Variants in PPL observed in about 807,000 individuals in gnomAD.
The protein encoded by PPL is periplakin.
A neutral mutation model predicts 194.4 loss-of-function variants in PPL; 198 were observed. The ratio of observed to expected loss-of-function variants is 1.02; its 90% CI spans 0.91 to 1.15. The LOEUF (loss-of-function observed/expected upper bound fraction) is 1.15. PPL is among the 50% of genes most tolerant of loss of function. The pLI is 0.00. For missense variants in PPL, 2,885 were observed against 2,294.8 expected, an observed-to-expected ratio of 1.26 and a Z score of -5.25; for synonymous variants, 1,220 against 972.4, an observed-to-expected ratio of 1.25 and a Z score of -4.74.
intron 2 of PPL, 136 bp downstream of exon 2, chr16:4,910,714 A>T: frequency 1.3e-6 from 1 of 780,040 alleles, no homozygotes; most frequent in Non-Finnish European, 2.2e-6. Context: ...AGCAGTGACA[A>T]CCAAAATGTC....
At chr16:4,907,226 C>T (rs1308018482) in intron 2 of PPL, among the ~76,000 whole-genome samples, 1 of 151,816 alleles carries the variant, frequency 6.6e-6, no homozygotes, top group Non-Finnish European at 1.5e-5. Flanking sequence ...TGCGCCACTG[C>T]ACTCCAGCCT....
chr16:4,907,254 C>T (rs1375924898), intron 2 of PPL, among the ~76,000 whole-genome samples: 1 of 148,836 alleles, frequency 6.7e-6, no homozygotes, highest in Non-Finnish European at 1.5e-5. Context: ...AGAGCAAGAC[C>T]CTGTCTCAAT....
At chr16:4,925,214 C>G (rs2089134574) in intron 1 of PPL, among the ~76,000 whole-genome samples, 1 of 152,252 alleles carries the variant, frequency 6.6e-6, no homozygotes, top group South Asian at 2.1e-4. Flanking sequence ...CACGGTCATC[C>G]TCTTCTGGCG....
Position 4,893,228 on chromosome 16 carries a change from C to T in PPL, c.1635G>A (p.Arg545=), listed in dbSNP as rs1596549420. The T allele has an allele frequency of 6.4e-7, 1 of 1,573,790 alleles. No homozygotes were observed. Among genetic ancestry groups the T allele is most frequent in the Non-Finnish European group, 8.6e-7 (1 of 1,163,804 alleles). The change falls in exon 14 of 22, where the codon CGG becomes CGA. Residue 545 remains arginine, a synonymous_variant. Transcript: ENST00000345988. ...QGRAVQDSAE[R]AKDLKNITNE... ...CCGCAGGTACCTTGAGGTCCTTGGC[C>T]CGCTCGGCACTGTCCTGCACAGCCC...
chr16:4,892,191 C>T lies in PPL; in HGVS notation c.1673G>A (p.Arg558Gln), dbSNP rs753868819. 2.2e-5 allele frequency: 36 copies of T among 1,612,752 alleles called. No homozygotes were observed. The highest frequency in any genetic ancestry group is 1.3e-4 in the African/African-American group (10 of 74,920). ...GCTCCGCGTCTTCTCAGGTTCAATC[C>T]GCAGTAGCTCGTTGGTGATGTTCTG... is the stretch of plus-strand genomic sequence containing the variant. ...DLKNITNELLRIEPEKTRSTA... is the reference protein window; with the variant it reads ...DLKNITNELLQIEPEKTRSTA... Residue 558 changes from arginine to glutamine, a missense_variant, in exon 15 of 22, where the codon CGG (arginine) becomes CAG (glutamine). By Grantham distance (43) the Arg-to-Gln change is conservative. Coordinates refer to ENST00000345988, the MANE Select transcript of PPL (RefSeq NM_002705.5).
At chr16:4,920,023 C>T (rs936169734) in intron 1 of PPL, among the ~76,000 whole-genome samples, 7 of 152,066 alleles carry the variant, frequency 4.6e-5, no homozygotes, top group East Asian at 1.9e-4. Context: ...CGGTGGCTCA[C>T]GCCTGTAATC....
chr16:4,897,864 G>C (rs763893626), intron 8 of PPL, 94 bp from the exon 9 acceptor site: 4 of 986,844 alleles, frequency 4.1e-6, no homozygotes, highest in Non-Finnish European at 6.2e-6. Flanking sequence ...CATGGCGGGG[G>C]AGGGAGGCAT....
At chr16:4,931,153 C>T (rs2089220631) in intron 1 of PPL, among the ~76,000 whole-genome samples, 1 of 152,096 alleles carries the variant, frequency 6.6e-6, no homozygotes. Context: ...CACTTGAGCC[C>T]AGGAGTTCAG....
chr16:4,929,012 TTAAAAAAAAAAAA>T (rs1400632586), intron 1 of PPL, among the ~76,000 whole-genome samples: 3 of 81,054 alleles, frequency 3.7e-5, no homozygotes, highest in Non-Finnish European at 4.7e-5. Context: ...AAACTCTACC[TTAAAAAAAAAAAA>T]AAAAAAAAAA....
At chr16:4,934,692 T>A (rs1424270748) in intron 1 of PPL, among the ~76,000 whole-genome samples, 2 of 151,950 alleles carry the variant, frequency 1.3e-5, no homozygotes, top group African/African-American at 4.8e-5. Flanking sequence ...AACTTGGGGA[T>A]CCACTCCCTG....
intron 2 of PPL, among the ~76,000 whole-genome samples, chr16:4,909,206 C>T (rs912252072): frequency 5.9e-5 from 9 of 152,126 alleles, no homozygotes; most frequent in African/African-American, 1.2e-4. Flanking sequence ...TTATCTGCCC[C>T]CTACACCCCC....
chr16:4,883,234 T>C lies in PPL; in HGVS notation c.*150A>G. Reference sequence around the variant, plus strand: ...GTCTTCAGCCAGTGCCTGTCTCATATGTGGGCGGGACTCTGAGCAGCCTGG... The same window carrying C: ...GTCTTCAGCCAGTGCCTGTCTCATACGTGGGCGGGACTCTGAGCAGCCTGG... On this transcript the variant is annotated 3_prime_UTR_variant, in exon 22 of 22. Coordinates refer to ENST00000345988, the MANE Select transcript of PPL (RefSeq NM_002705.5). The surrounding 1 kb of genome is among the most constrained non-coding windows in gnomAD (Gnocchi z 4.8). 1 of 1,022,614 alleles carries C rather than the reference T, an allele frequency of 9.8e-7. No homozygotes were observed. Among genetic ancestry groups the C allele is most frequent in the Non-Finnish European group, 1.4e-6 (1 of 697,878 alleles). 63.3% of individuals were successfully genotyped at this position (1,022,614 alleles called of 1,614,324 possible). A position where few individuals can be genotyped will look rare whatever the true frequency, so the allele number is the denominator to read the frequency against.
chr16:4,898,887 G>C, intron 8 of PPL, 126 bp downstream of exon 8: 1 of 716,656 alleles, frequency 1.4e-6, no homozygotes, highest in Admixed American at 2.3e-5. Context: ...GAAAGAGACA[G>C]ACAGACACAA....
intron 1 of PPL, among the ~76,000 whole-genome samples, chr16:4,929,012 TTAAAAAA>T (rs1314635791): frequency 2.5e-5 from 2 of 81,054 alleles, no homozygotes; most frequent in Non-Finnish European, 2.3e-5. Context: ...AAACTCTACC[TTAAAAAA>T]AAAAAAAAAA....
chr16:4,918,002 A>G (rs1483913292), intron 1 of PPL, among the ~76,000 whole-genome samples: 1 of 149,458 alleles, frequency 6.7e-6, no homozygotes, highest in African/African-American at 2.5e-5. Flanking sequence ...AAAAAAACAC[A>G]AAAAAGGCAG....
chr16:4,887,520 C>T (rs779323199), intron 20 of PPL, among the ~76,000 whole-genome samples: 5 of 152,124 alleles, frequency 3.3e-5, no homozygotes, highest in Non-Finnish European at 7.4e-5. Context: ...TAATATCAGC[C>T]CTCCACTGTA....
rs376274109 is a variant in PPL at position 4,901,465 on chromosome 16, G to T, written c.439-376C>A. On this transcript the variant is annotated intron_variant, in intron 4 of 21. Transcript: ENST00000345988. ...GCACTTTGGGAGGCCAATGGGGTCGGATCGCTTGAGCCCAGGAGTTTGAGA... is the reference window on the plus strand; with the variant it reads ...GCACTTTGGGAGGCCAATGGGGTCGTATCGCTTGAGCCCAGGAGTTTGAGA... 3.3e-5 allele frequency among the ~76,000 whole-genome samples: 5 copies of T among 152,122 alleles called. No homozygotes were observed. The East Asian group carries it at 9.6e-4, about 29-fold the overall frequency.
At chr16:4,901,690 AAAAT>A (rs553378567) in intron 4 of PPL, among the ~76,000 whole-genome samples, 13 of 150,204 alleles carry the variant, frequency 8.7e-5, no homozygotes, top group Non-Finnish European at 1.5e-4. Flanking sequence ...CCTTGTGTCA[AAAAT>A]AAATAAATAA....
At chr16:4,935,443 T>C (rs1329292307) in intron 1 of PPL, among the ~76,000 whole-genome samples, 2 of 152,054 alleles carry the variant, frequency 1.3e-5, no homozygotes, top group South Asian at 2.1e-4. Context: ...GCACGGAGCA[T>C]CCAATTGTGC....
Sources: gnomAD v4.1 joint callset for allele counts (sites outside exome capture counted in the v4.1 genomes callset) on GRCh38, gnomAD v4.1.1 for gene constraint, Gnocchi (gnomAD v3.1) non-coding constraint, MANE v1.5 for transcripts, NCBI Gene and HGNC (gene_info 2026-07-23, HGNC 2026-07-21) for gene names.